The following PLOD2 variants were observed in gnomAD, a reference collection of about 807,000 sequenced individuals.
PLOD2 encodes the protein procollagen-lysine,2-oxoglutarate 5-dioxygenase 2, also known as lysine hydroxylase 2.
PLOD2 carries 65 observed loss-of-function variants against 101.0 expected under a neutral mutation model. The ratio of observed to expected loss-of-function variants is 0.64; its 90% CI spans 0.53 to 0.79. The LOEUF (loss-of-function observed/expected upper bound fraction) is 0.79. PLOD2 is among the 30% of genes least tolerant of loss of function. The pLI, the probability that PLOD2 is intolerant of heterozygous loss-of-function variation, is 0.00. For synonymous variants in PLOD2, 314 were observed against 302.9 expected (o/e 1.04, Z -0.38); for missense variants, 909 against 914.6 (o/e 0.99, Z 0.08).
intron 8 of PLOD2, 136 bp downstream of exon 8, chr3:146,091,664 G>GT (rs1328653396): frequency 1.6e-6 from 1 of 642,412 alleles, no homozygotes; most frequent in Non-Finnish European, 2.8e-6. Context: ...GAATCATCAT[G>GT]TTTTAACACT....
rs544330739 is a variant in PLOD2, at chr3:146,117,093, T to G, written c.338+4019A>C. On this transcript the variant is annotated intron_variant, in intron 3 of 19. Coordinates refer to ENST00000282903, the MANE Select transcript of PLOD2 (RefSeq NM_182943.3). ...TGTAAATTTAATTAAATTCATTGAATTTTACACTTACAAATGTTTATGGCA... is the reference window on the plus strand; with the variant it reads ...TGTAAATTTAATTAAATTCATTGAAGTTTACACTTACAAATGTTTATGGCA... Among the ~76,000 whole-genome samples the G allele has an allele frequency of 1.1e-4, 16 of 152,262 alleles. No individual in the cohort carries two copies. The South Asian group carries it at 1.9e-3, about 18-fold the overall frequency.
intron 15 of PLOD2, chr3:146,076,580 G>C (rs1936346070): frequency 2.4e-6 from 1 of 412,922 alleles, no homozygotes; most frequent in African/African-American, 2.1e-5. Context: ...TTTCTCCGTA[G>C]CCTCACCCAT....
At chr3:146,101,824 G>C (rs1334092715) in intron 7 of PLOD2, among the ~76,000 whole-genome samples, 1 of 152,200 alleles carries the variant, frequency 6.6e-6, no homozygotes, top group Non-Finnish European at 1.5e-5. Flanking sequence ...CTGATTATAA[G>C]ATAGAGACTG....
intron 1 of PLOD2, among the ~76,000 whole-genome samples, chr3:146,156,336 G>A (rs2032302299): frequency 6.6e-6 from 1 of 152,214 alleles, no homozygotes; most frequent in Non-Finnish European, 1.5e-5. Flanking sequence ...TACAGGACCA[G>A]CTAGTCAATA....
chr3:146,096,755 G>C (rs1363454764), intron 7 of PLOD2, among the ~76,000 whole-genome samples: 125 of 149,778 alleles, frequency 8.3e-4, no homozygotes, highest in African/African-American at 2.9e-3. Context: ...AGGGAGGTGG[G>C]GGGGGTCAGC....
At chr3:146,142,524 G>A (rs2031571712) in intron 1 of PLOD2, among the ~76,000 whole-genome samples, 1 of 151,996 alleles carries the variant, frequency 6.6e-6, no homozygotes, top group South Asian at 2.1e-4. Context: ...CAGCTACATG[G>A]TAGATGTACT....
intron 4 of PLOD2, among the ~76,000 whole-genome samples, chr3:146,109,817 G>T (rs1937596282): frequency 6.6e-6 from 1 of 152,182 alleles, no homozygotes; most frequent in East Asian, 1.9e-4. Context: ...TTTCACTACT[G>T]GGTTCAAGAC....
intron 1 of PLOD2, among the ~76,000 whole-genome samples, chr3:146,137,859 T>C (rs1483512269): frequency 6.6e-6 from 1 of 152,036 alleles, no homozygotes; most frequent in Non-Finnish European, 1.5e-5. Context: ...TGATTCTAGA[T>C]AACAGCCCTA....
At chr3:146,160,801 G>A (rs2032537915) in intron 1 of PLOD2, 80 bp downstream of exon 1, 3 of 901,388 alleles carry the variant, frequency 3.3e-6, no homozygotes, top group Non-Finnish European at 5.3e-6. Context: ...GGCCAGCCCC[G>A]CGGAAGGGCT....
At chr3:146,096,791 C>A (rs1336010424) in intron 7 of PLOD2, among the ~76,000 whole-genome samples, 1 of 142,896 alleles carries the variant, frequency 7.0e-6, no homozygotes, top group African/African-American at 2.6e-5. Context: ...CCACCCCGTC[C>A]GGGAGGTGAG....
At chr3:146,082,606 C>A (rs1056981319) in intron 11 of PLOD2, among the ~76,000 whole-genome samples, 6 of 151,920 alleles carry the variant, frequency 3.9e-5, no homozygotes, top group Admixed American at 3.3e-4. Flanking sequence ...AATAAACACA[C>A]ATCGGGCCCG....
chr3:146,159,792 G>A (rs1263060447), intron 1 of PLOD2, among the ~76,000 whole-genome samples: 1 of 152,158 alleles, frequency 6.6e-6, no homozygotes, highest in Non-Finnish European at 1.5e-5. Context: ...AGTTTCTCAA[G>A]CTAACAAAGC....
chr3:146,081,628 T>G (rs1229313743), intron 12 of PLOD2, 110 bp downstream of exon 12: 10 of 815,658 alleles, frequency 1.2e-5, no homozygotes, highest in African/African-American at 1.7e-5. Flanking sequence ...CAAATTCCCA[T>G]TAACTATAAA....
At chr3:146,119,231 T>G (rs2108086956) in intron 3 of PLOD2, among the ~76,000 whole-genome samples, 1 of 152,194 alleles carries the variant, frequency 6.6e-6, no homozygotes, top group South Asian at 2.1e-4. Flanking sequence ...TGTGAGACCT[T>G]CATTCCTCCT....
chr3:146,100,979 A>G (rs1215848298), intron 7 of PLOD2, among the ~76,000 whole-genome samples: 1 of 152,222 alleles, frequency 6.6e-6, no homozygotes, highest in Non-Finnish European at 1.5e-5. Flanking sequence ...ATGGCCACTG[A>G]GAAAATCAGA....
Position 146,110,390 on chromosome 3 carries a change from T to A in PLOD2, c.397A>T (p.Asn133Tyr). 6.2e-7 allele frequency: 1 copy of A among 1,613,690 alleles called. No homozygotes were observed. Among genetic ancestry groups the A allele is most frequent in the Middle Eastern group, 1.7e-4 (1 of 6,056 alleles). The part of the protein sequence containing the change: ...EEVLKKFQKA[N>Y]HKVVFAADGI... ...TCTGCTGCAAAGACCACTTTGTGGT[T>A]TGCCTTTTGGAATTTTTTTAGAACT... The change falls in exon 4 of 20, where the codon AAC becomes TAC. Residue 133 changes from asparagine (N) to tyrosine (Y), a missense_variant. Asn to Tyr is a moderately radical substitution (Grantham distance 143). Coordinates refer to ENST00000282903, the MANE Select transcript of PLOD2 (RefSeq NM_182943.3).
At chr3:146,082,736 C>T (rs954982614) in intron 11 of PLOD2, among the ~76,000 whole-genome samples, 1 of 151,718 alleles carries the variant, frequency 6.6e-6, no homozygotes, top group Non-Finnish European at 1.5e-5. Context: ...ACTAATAATA[C>T]CAAAAAAAGT....
At chr3:146,100,810 G>A (rs1263416337) in intron 7 of PLOD2, among the ~76,000 whole-genome samples, 1 of 152,142 alleles carries the variant, frequency 6.6e-6, no homozygotes, top group African/African-American at 2.4e-5. Flanking sequence ...ATGACAAGTT[G>A]AGGATTTTCA....
At position 146,132,846 on chromosome 3, in the gene PLOD2, T is replaced by C. The variant is rs902606163; in HGVS notation, c.110-8617A>G. ...TCAAAATTTGTATATTTATGGTCAA[T>C]AAAACTTGAATAAATATTAGACAAA... is the stretch of plus-strand genomic sequence containing the variant. On this transcript the variant is annotated intron_variant, in intron 1 of 19. Coordinates refer to ENST00000282903, the MANE Select transcript of PLOD2 (RefSeq NM_182943.3). Among the ~76,000 whole-genome samples, 3 of 152,188 alleles carry C rather than the reference T, an allele frequency of 2.0e-5. No homozygotes were observed. In the East Asian group the frequency reaches 5.8e-4, roughly 29 times the overall value.
Sources: gnomAD v4.1 joint callset for allele counts (sites outside exome capture counted in the v4.1 genomes callset) on GRCh38, gnomAD v4.1.1 for gene constraint, MANE v1.5 for transcripts, NCBI Gene and HGNC (gene_info 2026-07-23, HGNC 2026-07-21) for gene names.